Variants in CDC25A observed in about 807,000 individuals in gnomAD.
The protein encoded by CDC25A is cell division cycle 25A, also known as M-phase inducer phosphatase 1.
Under a neutral mutation model 64.6 loss-of-function variants are expected in CDC25A, and 17 were observed. The observed-to-expected ratio is 0.26, with a 90% CI of 0.18 to 0.39. The LOEUF is 0.39. Ranked by LOEUF, CDC25A falls within the 10% of genes least tolerant of loss-of-function variation. The pLI is 1.00. For synonymous variants in CDC25A, 229 were observed against 238.6 expected (o/e 0.96, Z 0.37); for missense variants, 473 against 654.8 (o/e 0.72, Z 3.03).
chr3:48,184,249 C>T (rs2032769726), intron 3 of CDC25A, among the ~76,000 whole-genome samples: 1 of 151,996 alleles, frequency 6.6e-6, no homozygotes, highest in South Asian at 2.1e-4. Flanking sequence ...GTAGTCCCAG[C>T]TACTCGGGAG....
intron 7 of CDC25A, 73 bp from the exon 8 acceptor site, chr3:48,177,515 T>C: frequency 8.7e-7 from 1 of 1,150,716 alleles, no homozygotes; most frequent in Non-Finnish European, 1.3e-6. Flanking sequence ...TTTAGGTGTG[T>C]TTCTCCCTGA....
chr3:48,169,361 C>A (rs1403565840), intron 9 of CDC25A, among the ~76,000 whole-genome samples: 1 of 152,200 alleles, frequency 6.6e-6, no homozygotes, highest in Non-Finnish European at 1.5e-5. Context: ...ACTTCCTGAT[C>A]AAAGTAGACA....
chr3:48,186,884 C>G (rs980417533), intron 1 of CDC25A, 105 bp from the exon 2 acceptor site: 4 of 753,124 alleles, frequency 5.3e-6, no homozygotes, highest in Non-Finnish European at 8.9e-6. Context: ...CTGCCAGAAA[C>G]CATTTCTAGG....
At position 48,188,249 on chromosome 3, in the gene CDC25A, G is replaced by A. The variant is rs1288504831; in HGVS notation, c.-302C>T. ...TAAATCCAAACAAACGTGGCGGGTC[G>A]GCAAGAGAAGCCGGGCGAGAGCCTC... On this transcript the variant is annotated 5_prime_UTR_variant, in exon 1 of 15. Transcript: ENST00000302506. 5 of 262,244 alleles carry A rather than the reference G, an allele frequency of 1.9e-5. No homozygotes were observed. The highest frequency in any genetic ancestry group is 3.4e-4 in the South Asian group (2 of 5,960). 16.2% of individuals were successfully genotyped at this position (262,244 alleles called of 1,614,324 possible).
chr3:48,163,410 G>C (rs1031187232), intron 13 of CDC25A, among the ~76,000 whole-genome samples: 6 of 151,720 alleles, frequency 4.0e-5, no homozygotes, highest in African/African-American at 1.5e-4. Flanking sequence ...TTCAAGACCA[G>C]CCTGACCAAC....
At chr3:48,165,107 C>CAAAAA (rs11370901) in intron 12 of CDC25A, among the ~76,000 whole-genome samples, 4 of 84,960 alleles carry the variant, frequency 4.7e-5, no homozygotes, top group Non-Finnish European at 6.8e-5. Context: ...GACTCTGTCT[C>CAAAAA]AAAAAAAAAA....
In CDC25A at chr3:48,177,331, A is replaced by G. The variant is rs775989648; in HGVS notation, c.756+40T>C. 51 of 1,489,476 alleles carry G rather than the reference A, an allele frequency of 3.4e-5. No homozygotes were observed. In the Admixed American group the frequency reaches 7.9e-4, roughly 23 times the overall value. The allele number at this position is 1,489,476 out of a possible 1,614,324, so 92.3% of individuals were successfully genotyped here. A position where few individuals can be genotyped will look rare whatever the true frequency, so the allele number is the denominator to read the frequency against. On this transcript the variant is annotated intron_variant, in intron 8 of 14. Coordinates refer to ENST00000302506, the MANE Select transcript of CDC25A (RefSeq NM_001789.3). The stretch of plus-strand genomic sequence containing the variant: ...AAGGACTACTCTGTCCAGTGCCCCA[A>G]TCACGCAGGGCTTCCTCCAGACACA...
intron 10 of CDC25A, among the ~76,000 whole-genome samples, 175 bp downstream of exon 10, chr3:48,167,671 C>A (rs184572801): frequency 9.9e-5 from 15 of 152,270 alleles, no homozygotes; most frequent in Admixed American, 9.8e-4. Context: ...TCTCAGAAAC[C>A]AACATATACC....
At chr3:48,173,713 G>A (rs780480098) in intron 9 of CDC25A, among the ~76,000 whole-genome samples, 4 of 152,140 alleles carry the variant, frequency 2.6e-5, no homozygotes, top group South Asian at 2.1e-4. Context: ...TGGGGAACCC[G>A]GACTTCCACC....
chr3:48,187,276 G>C (rs1403193528), intron 1 of CDC25A, among the ~76,000 whole-genome samples: 1 of 152,244 alleles, frequency 6.6e-6, no homozygotes, highest in Non-Finnish European at 1.5e-5. Flanking sequence ...CCTTAGGAAA[G>C]CAGCAGAGTG....
At chr3:48,172,156 C>A (rs1424990855) in intron 9 of CDC25A, among the ~76,000 whole-genome samples, 1 of 151,948 alleles carries the variant, frequency 6.6e-6, no homozygotes, top group Non-Finnish European at 1.5e-5. Flanking sequence ...AGCGCTAGAC[C>A]CTGTGCCCCC....
Position 48,158,653 on chromosome 3 carries a change from G to A in CDC25A, c.*292C>T, listed in dbSNP as rs966928571. 3.1e-5 allele frequency: 9 copies of A among 286,072 alleles called. No individual in the cohort carries two copies. Among genetic ancestry groups the A allele is most frequent in the East Asian group, 1.3e-4 (2 of 15,586 alleles). 17.7% of individuals were successfully genotyped at this position (286,072 alleles called of 1,614,324 possible). ...GATGGCTGGAGCCCGATAAGGCCCC[G>A]GCTGGTTCATCCCACTGTGGCTCAG... On this transcript the variant is annotated 3_prime_UTR_variant, in exon 15 of 15. Coordinates refer to ENST00000302506, the MANE Select transcript of CDC25A (RefSeq NM_001789.3).
At chr3:48,172,119 G>A (rs564770458) in intron 9 of CDC25A, among the ~76,000 whole-genome samples, 7 of 152,196 alleles carry the variant, frequency 4.6e-5, no homozygotes, top group South Asian at 2.1e-4. Context: ...AGCTGTGATC[G>A]TGCTAGTGCA....
rs3731488 is a variant in CDC25A at position 48,187,459 on chromosome 3, C to A, written c.170+319G>T. ...GCCTAGAAGAGCCTGATTTTCCCCG[C>A]GGGGGTAGATTCCAAAGAGCTTCCA... is the stretch of plus-strand genomic sequence containing the variant. On this transcript the variant is annotated intron_variant, in intron 1 of 14. Coordinates refer to ENST00000302506, the MANE Select transcript of CDC25A (RefSeq NM_001789.3). Among the ~76,000 whole-genome samples, 226 of 152,334 alleles carry A rather than the reference C, an allele frequency of 1.5e-3. 1 individual carries two copies. Among genetic ancestry groups the A allele is most frequent in the Admixed American group, 0.011 (175 of 15,304 alleles).
chr3:48,164,080 G>A (rs2031902816), intron 13 of CDC25A, among the ~76,000 whole-genome samples: 2 of 152,198 alleles, frequency 1.3e-5, no homozygotes, highest in South Asian at 4.1e-4. Context: ...GTACTTGAAG[G>A]AGGTCACATG....
chr3:48,167,858 T>C lies in CDC25A; in HGVS notation c.1017A>G (p.Gly339=). 6.3e-7 allele frequency: 1 copy of C among 1,582,892 alleles called. No homozygotes were observed. Among genetic ancestry groups the C allele is most frequent in the Non-Finnish European group, 8.7e-7 (1 of 1,151,594 alleles). The change falls in exon 10 of 15, where the codon GGA becomes GGG. Residue 339 remains glycine, a synonymous_variant. Transcript: ENST00000302506. ...ILDNDPRDLI[G]DFSKGYLFHT... is the part of the protein sequence containing the mutation. ...TGCTTGCAATTACCTTGGAGAAGTC[T>C]CCTATAAGGTCCCTTGGGTCATTGT... is the stretch of plus-strand genomic sequence containing the variant.
rs1220030396 is a variant in CDC25A at position 48,180,523 on chromosome 3, A to G, written c.549+198T>C. 18 of 509,162 alleles carry G rather than the reference A, an allele frequency of 3.5e-5. No homozygotes were observed. The Middle Eastern group carries it at 2.0e-3, about 58-fold the overall frequency. 31.5% of individuals were successfully genotyped at this position (509,162 alleles called of 1,614,324 possible). On this transcript the variant is annotated intron_variant, in intron 6 of 14. Transcript: ENST00000302506. ...GCACAACTCCAATATTTCAAACACC[A>G]TCTCCCACTCTTACTACCGCCTGTC... is the stretch of plus-strand genomic sequence containing the variant.
Position 48,164,419 on chromosome 3 carries a change from T to C in CDC25A, c.1210A>G (p.Met404Val). Residue 404 changes from methionine (M) to valine (V), a missense_variant, in exon 13 of 15, where the codon ATG becomes GTG. Transcript: ENST00000302506. ...GHIKGAVNLHMEEEVEDFLLK... is the reference protein window; with the variant it reads ...GHIKGAVNLHVEEEVEDFLLK... ...AAGAAGTCTTCAACCTCTTCTTCCA[T>C]GTGCAAGTTCACTGCACCCTGTGAA... 2 of 1,591,542 alleles carry C rather than the reference T, an allele frequency of 1.3e-6. No homozygotes were observed. The highest frequency in any genetic ancestry group is 1.7e-6 in the Non-Finnish European group (2 of 1,171,400).
intron 13 of CDC25A, among the ~76,000 whole-genome samples, chr3:48,163,998 T>A (rs1290251589): frequency 6.6e-6 from 1 of 152,184 alleles, no homozygotes; most frequent in Non-Finnish European, 1.5e-5. Context: ...TTTCAAAGCA[T>A]CATATCATAT....
Sources: gnomAD v4.1 joint callset for allele counts (sites outside exome capture counted in the v4.1 genomes callset) on GRCh38, gnomAD v4.1.1 for gene constraint, MANE v1.5 for transcripts, NCBI Gene and HGNC (gene_info 2026-07-23, HGNC 2026-07-21) for gene names.